PCDHGA10: variants seen among roughly 807,000 people sequenced by gnomAD.
PCDHGA10 encodes protocadherin gamma subfamily A, 10.
PCDHGA10 carries 42 observed loss-of-function variants against 59.5 expected under a neutral mutation model. The observed-to-expected ratio is 0.71, with a 90% CI of 0.55 to 0.91. PCDHGA10 has a LOEUF of 0.91. Among genes scored for constraint, PCDHGA10 ranks in the 40% least tolerant of loss-of-function variants. PCDHGA10 has a pLI of 0.00. For missense variants in PCDHGA10, 1,111 were observed against 1,198.2 expected, an observed-to-expected ratio of 0.93 and a Z score of 1.07; for synonymous variants, 511 against 517.2, an observed-to-expected ratio of 0.99 and a Z score of 0.16.
intron 1 of PCDHGA10, chr5:141,421,253 A>G: frequency 6.2e-7 from 1 of 1,607,298 alleles, no homozygotes; most frequent in South Asian, 1.1e-5. Context: ...CAGCGCGGGG[A>G]CCGCAGTCGG....
rs771124496 is a variant in PCDHGA10, at chr5:141,489,457, C to T, written c.2437-5350C>T. The T allele has an allele frequency of 1.2e-5, 19 of 1,613,882 alleles. No homozygotes were observed. The highest frequency in any genetic ancestry group is 6.7e-5 in the African/African-American group (5 of 74,896). Reference sequence around the variant, plus strand: ...GCAATTGGGCTCTGAGGAGAATGGGCGCTATTTTTCCCTGAGCTTGATGAG... The same window carrying T: ...GCAATTGGGCTCTGAGGAGAATGGGTGCTATTTTTCCCTGAGCTTGATGAG... On this transcript the variant is annotated intron_variant, in intron 1 of 3. Coordinates refer to ENST00000398610, the MANE Select transcript of PCDHGA10 (RefSeq NM_018913.3). The surrounding 1 kb of genome is among the most constrained non-coding windows in gnomAD (Gnocchi z 4.5).
chr5:141,457,694 C>T (rs891323419), intron 1 of PCDHGA10, among the ~76,000 whole-genome samples: 4 of 152,214 alleles, frequency 2.6e-5, no homozygotes, highest in Non-Finnish European at 5.9e-5. Context: ...TTTGGATTGG[C>T]TTTGATGAAA....
intron 2 of PCDHGA10, among the ~76,000 whole-genome samples, chr5:141,503,202 C>G (rs1562210201): frequency 6.6e-6 from 1 of 152,090 alleles, no homozygotes; most frequent in East Asian, 1.9e-4. Context: ...ATCAGCCTCT[C>G]AGTGCCCACC....
At chr5:141,427,898 C>T in intron 1 of PCDHGA10, 4 of 1,570,874 alleles carry the variant, frequency 2.5e-6, no homozygotes, top group African/African-American at 1.3e-5. Flanking sequence ...AGGGCTCGCC[C>T]GCGCTCAGCG....
intron 1 of PCDHGA10, chr5:141,430,809 G>T (rs949727881): frequency 2.0e-6 from 3 of 1,526,896 alleles, no homozygotes; most frequent in Non-Finnish European, 2.6e-6. Flanking sequence ...GTCCTGCTGG[G>T]AATCCTCCTG....
At chr5:141,482,901 A>T (rs192886570) in intron 1 of PCDHGA10, among the ~76,000 whole-genome samples, 2 of 152,240 alleles carry the variant, frequency 1.3e-5, no homozygotes, top group African/African-American at 4.8e-5. Flanking sequence ...GTGAAACCTC[A>T]TCTCTATTAA....
chr5:141,418,533 C>G, intron 1 of PCDHGA10: 1 of 1,614,032 alleles, frequency 6.2e-7, no homozygotes, highest in Non-Finnish European at 8.5e-7. Flanking sequence ...CGAAGCGGTA[C>G]TGCTCAGATA....
At chr5:141,498,803 C>T (rs916966107) in intron 2 of PCDHGA10, among the ~76,000 whole-genome samples, 5 of 151,982 alleles carry the variant, frequency 3.3e-5, no homozygotes, top group African/African-American at 1.2e-4. Flanking sequence ...TGTGGTGGTG[C>T]ACACCTGTAG....
chr5:141,420,047 G>C (rs1242042066), intron 1 of PCDHGA10: 1 of 1,613,958 alleles, frequency 6.2e-7, no homozygotes, highest in East Asian at 2.2e-5. Flanking sequence ...CTTTGAGTCA[G>C]TTCTCTGCTC....
chr5:141,485,805 T>C lies in PCDHGA10; in HGVS notation c.2437-9002T>C, dbSNP rs753916789. ...GAGAAGCAATCGGACTACCGCCTGG[T>C]GCTGACTGCTGTCGATGGAGGGAAC... On this transcript the variant is annotated intron_variant, in intron 1 of 3. Coordinates refer to ENST00000398610, the MANE Select transcript of PCDHGA10 (RefSeq NM_018913.3). The surrounding 1 kb of genome is among the most constrained non-coding windows in gnomAD (Gnocchi z 5.7). 1.2e-6 allele frequency: 2 copies of C among 1,614,198 alleles called. No individual in the cohort carries two copies. The highest frequency in any genetic ancestry group is 1.7e-6 in the Non-Finnish European group (2 of 1,180,026).
intron 1 of PCDHGA10, chr5:141,422,206 G>A (rs1269700250): frequency 6.4e-7 from 1 of 1,562,324 alleles, no homozygotes; most frequent in Non-Finnish European, 8.6e-7. Flanking sequence ...AGATGGTGGA[G>A]GTCTCTTTAC....
Position 141,491,205 on chromosome 5 carries a change from A to G in PCDHGA10, c.2437-3602A>G, listed in dbSNP as rs2233609. 2,395 of 1,613,578 alleles carry G rather than the reference A, an allele frequency of 1.5e-3. 36 individuals are homozygous for G. The African/African-American group carries it at 0.028, about 19-fold the overall frequency. On this transcript the variant is annotated intron_variant, in intron 1 of 3. Coordinates refer to ENST00000398610, the MANE Select transcript of PCDHGA10 (RefSeq NM_018913.3). This position sits in a 1 kb window ranked among gnomAD's most constrained non-coding sequence, Gnocchi z 6.9. The stretch of plus-strand genomic sequence containing the variant: ...TGGTGAGGGACAATGGTGACCCTTC[A>G]CTCTCCTCCACAGCCACAGTGCTGC...
chr5:141,433,232 C>T (rs1344380820), intron 1 of PCDHGA10: 1 of 1,516,488 alleles, frequency 6.6e-7, no homozygotes, highest in Admixed American at 1.9e-5. Flanking sequence ...ATTGCTCTGT[C>T]TCCCAAGCTG....
At position 141,491,291 on chromosome 5, in the gene PCDHGA10, C is replaced by G; in HGVS notation, c.2437-3516C>G. On this transcript the variant is annotated intron_variant, in intron 1 of 3. Coordinates refer to ENST00000398610, the MANE Select transcript of PCDHGA10 (RefSeq NM_018913.3). The surrounding 1 kb of genome is among the most constrained non-coding windows in gnomAD (Gnocchi z 6.9). ...AAATCCAGTGACTTCCTCATACACCCTCCTGAGCGTTCAGACCTTACCCTT... is the reference window on the plus strand; with the variant it reads ...AAATCCAGTGACTTCCTCATACACCGTCCTGAGCGTTCAGACCTTACCCTT... 2 of 1,614,152 alleles carry G rather than the reference C, an allele frequency of 1.2e-6. No homozygotes were observed. The highest frequency in any genetic ancestry group is 1.7e-6 in the Non-Finnish European group (2 of 1,179,974).
In PCDHGA10 at chr5:141,490,091, A is replaced by T; in HGVS notation, c.2437-4716A>T. 6.2e-7 allele frequency: 1 copy of T among 1,614,240 alleles called. No homozygotes were observed. Among genetic ancestry groups the T allele is most frequent in the East Asian group, 2.2e-5 (1 of 44,888 alleles). ...CAACTAGACTATTCTTTTGGAGACC[A>T]CACATCTGAGGCAGTGCGGAACCTC... On this transcript the variant is annotated intron_variant, in intron 1 of 3. Coordinates refer to ENST00000398610, the MANE Select transcript of PCDHGA10 (RefSeq NM_018913.3). The surrounding 1 kb of genome is among the most constrained non-coding windows in gnomAD (Gnocchi z 5.4).
chr5:141,430,809 G>A (rs949727881), intron 1 of PCDHGA10: 5 of 1,527,014 alleles, frequency 3.3e-6, no homozygotes, highest in Non-Finnish European at 4.4e-6. Context: ...GTCCTGCTGG[G>A]AATCCTCCTG....
rs1445356223 is a variant in PCDHGA10, at chr5:141,490,414, G to T, written c.2437-4393G>T. On this transcript the variant is annotated intron_variant, in intron 1 of 3. Transcript: ENST00000398610. This position sits in a 1 kb window ranked among gnomAD's most constrained non-coding sequence, Gnocchi z 5.4. ...TGAAGTGAGCCTTGATATCTCTCCGGACCTGCCATTTCAGATTAAGCCTTC... is the reference window on the plus strand; with the variant it reads ...TGAAGTGAGCCTTGATATCTCTCCGTACCTGCCATTTCAGATTAAGCCTTC... The T allele has an allele frequency of 1.2e-6, 2 of 1,614,138 alleles. No homozygotes were observed. The highest frequency in any genetic ancestry group is 1.7e-6 in the Non-Finnish European group (2 of 1,180,024).
chr5:141,475,977 A>C, intron 1 of PCDHGA10: 1 of 972,828 alleles, frequency 1.0e-6, no homozygotes, highest in Non-Finnish European at 1.5e-6. Flanking sequence ...GAGACTGAAC[A>C]GCCGGCGAGC....
rs769652961 is a variant in PCDHGA10, at chr5:141,489,435, A to G, written c.2437-5372A>G. ...CAGATCTGTTGAGCCGGCGGCTGCAATTGGGCTCTGAGGAGAATGGGCGCT... is the reference window on the plus strand; with the variant it reads ...CAGATCTGTTGAGCCGGCGGCTGCAGTTGGGCTCTGAGGAGAATGGGCGCT... On this transcript the variant is annotated intron_variant, in intron 1 of 3. Coordinates refer to ENST00000398610, the MANE Select transcript of PCDHGA10 (RefSeq NM_018913.3). This position sits in a 1 kb window ranked among gnomAD's most constrained non-coding sequence, Gnocchi z 4.5. 2 of 1,614,138 alleles carry G rather than the reference A, an allele frequency of 1.2e-6. No homozygotes were observed. The highest frequency in any genetic ancestry group is 1.7e-6 in the Non-Finnish European group (2 of 1,180,024).
Sources: allele counts gnomAD v4.1 joint callset (sites outside exome capture counted in the v4.1 genomes callset), GRCh38; gene constraint gnomAD v4.1.1; non-coding constraint Gnocchi (gnomAD v3.1); transcripts MANE v1.5; gene names NCBI Gene and HGNC (gene_info 2026-07-23, HGNC 2026-07-21).